The following PTPN4 variants were observed in gnomAD, a reference collection of about 807,000 sequenced individuals.
PTPN4 encodes the protein protein tyrosine phosphatase non-receptor type 4.
PTPN4 carries 49 observed loss-of-function variants against 135.5 expected under a neutral mutation model. The observed-to-expected ratio is 0.36, with a 90% confidence interval of 0.29 to 0.46. PTPN4 has a LOEUF of 0.46. Among genes scored for constraint, PTPN4 ranks in the 20% least tolerant of loss-of-function variants. PTPN4 has a pLI of 1.00. For synonymous variants in PTPN4, 333 were observed against 369.9 expected, an observed-to-expected ratio of 0.90 and a Z score of 1.14; for missense variants, 860 against 1,101.0, an observed-to-expected ratio of 0.78 and a Z score of 3.10.
chr2:119,766,449 CGT>C (rs745803520), intron 1 of PTPN4, among the ~76,000 whole-genome samples: 20,066 of 130,706 alleles, frequency 0.15, 1,567 homozygotes, highest in South Asian at 0.22. Flanking sequence ...CATGTGCGCG[CGT>C]GTGTGTGTGT....
At position 119,946,342 on chromosome 2, in the gene PTPN4, C is replaced by A; in HGVS notation, c.1517C>A (p.Pro506His). ...GTTATTTAATTTTGTCTTTTTAAGC[C>A]TAATGGTGGTATTCCACATGATAAT... The part of the protein sequence containing the change: ...DIPSSPEKPT[P>H]NGGIPHDNLV... The change falls in exon 17 of 27, where the codon CCT becomes CAT. Residue 506 changes from proline to histidine, a missense_variant and splice_region_variant. Pro to His is a moderately conservative substitution (Grantham distance 77, BLOSUM62 -2). This residue lies in a region of PTPN4 where 684 missense variants were observed against 807.0 expected (regional missense o/e 0.85). Coordinates refer to ENST00000263708, the MANE Select transcript of PTPN4 (RefSeq NM_002830.4). 1.3e-6 allele frequency: 2 copies of A among 1,592,140 alleles called. No homozygotes were observed. Among genetic ancestry groups the A allele is most frequent in the Non-Finnish European group, 1.7e-6 (2 of 1,170,038 alleles).
intron 3 of PTPN4, among the ~76,000 whole-genome samples, chr2:119,870,915 T>C (rs1213039518): frequency 6.6e-6 from 1 of 151,942 alleles, no homozygotes; most frequent in Admixed American, 6.6e-5. Flanking sequence ...TGTTGATAGA[T>C]TTCACTGCAT....
chr2:119,980,736 C>T lies in PTPN4; in HGVS notation c.*3666C>T, dbSNP rs960199995. 1.3e-5 allele frequency: 2 copies of T among 151,888 alleles called. No individual in the cohort carries two copies. The highest frequency in any genetic ancestry group is 2.9e-5 in the Non-Finnish European group (2 of 67,904). The allele number at this position is 151,888 out of a possible 1,614,324, so 9.4% of individuals were successfully genotyped here. A position where few individuals can be genotyped will look rare whatever the true frequency, so the allele number is the denominator to read the frequency against. Reference sequence around the variant, plus strand: ...AAATAAGCAGGCTTAAGAAGTGATTCTAATTAGGACCCCCACTCAGTTTGC... The same window carrying T: ...AAATAAGCAGGCTTAAGAAGTGATTTTAATTAGGACCCCCACTCAGTTTGC... On this transcript the variant is annotated 3_prime_UTR_variant, in exon 27 of 27. Coordinates refer to ENST00000263708, the MANE Select transcript of PTPN4 (RefSeq NM_002830.4).
chr2:119,762,385 T>C (rs1168494720), intron 1 of PTPN4, among the ~76,000 whole-genome samples: 1 of 152,098 alleles, frequency 6.6e-6, no homozygotes, highest in African/African-American at 2.4e-5. Context: ...GTTATTAAAC[T>C]GTGATTTGTA....
chr2:119,841,272 C>T (rs1163394297), intron 2 of PTPN4, among the ~76,000 whole-genome samples: 2 of 152,160 alleles, frequency 1.3e-5, no homozygotes, highest in Non-Finnish European at 2.9e-5. Flanking sequence ...TGTGCTTACA[C>T]ATTACTGTAA....
intron 1 of PTPN4, among the ~76,000 whole-genome samples, chr2:119,809,365 G>GTT: frequency 7.1e-6 from 1 of 140,600 alleles, no homozygotes; most frequent in East Asian, 2.1e-4. Context: ...ATGAAGGGTT[G>GTT]TTTTTTTTTT....
At chr2:119,948,017 C>T (rs1044517850) in intron 18 of PTPN4, among the ~76,000 whole-genome samples, 2 of 151,866 alleles carry the variant, frequency 1.3e-5, no homozygotes, top group Admixed American at 6.6e-5. Flanking sequence ...GAAAAAAGTC[C>T]GTTGTGACTG....
intron 9 of PTPN4, among the ~76,000 whole-genome samples, chr2:119,895,741 G>A (rs1016436789): frequency 1.3e-5 from 2 of 151,964 alleles, no homozygotes; most frequent in Non-Finnish European, 2.9e-5. Context: ...CTAACACGGT[G>A]AAACCCCGTC....
At chr2:119,838,669 C>G (rs1230411209) in intron 2 of PTPN4, among the ~76,000 whole-genome samples, 2 of 152,194 alleles carry the variant, frequency 1.3e-5, no homozygotes, top group Admixed American at 1.3e-4. Flanking sequence ...ATTAGTTTCT[C>G]TGTAGATGTA....
intron 3 of PTPN4, among the ~76,000 whole-genome samples, chr2:119,873,505 AG>A (rs995815813): frequency 6.6e-6 from 1 of 152,188 alleles, no homozygotes; most frequent in Admixed American, 6.5e-5. Flanking sequence ...GATTCTTCCC[AG>A]GGAAAAGAAT....
intron 12 of PTPN4, among the ~76,000 whole-genome samples, 200 bp downstream of exon 12, chr2:119,920,441 AGTTCTGT>A (rs1244348348): frequency 2.2e-4 from 33 of 152,182 alleles, no homozygotes; most frequent in African/African-American, 7.7e-4. Flanking sequence ...TTGAGAAACC[AGTTCTGT>A]GTTCTGTATT....
At chr2:119,865,736 A>G (rs190536472) in intron 3 of PTPN4, among the ~76,000 whole-genome samples, 1 of 152,232 alleles carries the variant, frequency 6.6e-6, no homozygotes, top group East Asian at 1.9e-4. Context: ...TGTATGTTAC[A>G]TATACATATG....
In PTPN4 at chr2:119,760,733, C is replaced by CTTTTTTTTTTTTTTTTTT. The variant is rs59953430; in HGVS notation, c.-18+354_-18+371dup. On this transcript the variant is annotated intron_variant, in intron 1 of 26. Coordinates refer to ENST00000263708, the MANE Select transcript of PTPN4 (RefSeq NM_002830.4). ...GAGTTTTCCATTGCTGGTAGAATTC[C>CTTTTTTTTTTTTTTTTTT]TTTTTTTTTTTTTTTTTTTTTTGGC... Among the ~76,000 whole-genome samples the CTTTTTTTTTTTTTTTTTT allele has an allele frequency of 3.8e-5, 3 of 79,908 alleles. 1 individual carries two copies. The highest frequency in any genetic ancestry group is 1.5e-4 in the African/African-American group (3 of 19,714). 52.4% of individuals were successfully genotyped at this position (79,908 alleles called of 152,430 possible).
intron 15 of PTPN4, chr2:119,935,171 A>G: frequency 3.6e-6 from 2 of 555,376 alleles, no homozygotes; most frequent in Non-Finnish European, 6.2e-6. Flanking sequence ...TTGTTGACTT[A>G]GACAGTTCTT....
intron 3 of PTPN4, among the ~76,000 whole-genome samples, chr2:119,874,332 C>T (rs1032192246): frequency 2.6e-5 from 4 of 152,070 alleles, no homozygotes; most frequent in Non-Finnish European, 5.9e-5. Flanking sequence ...TAGGCATGTA[C>T]CCAAGAGAAT....
intron 2 of PTPN4, among the ~76,000 whole-genome samples, chr2:119,812,448 C>T (rs563876119): frequency 6.6e-6 from 1 of 152,272 alleles, no homozygotes; most frequent in East Asian, 1.9e-4. Flanking sequence ...TTGCCAAAGC[C>T]TGCTTTGTTT....
At chr2:119,904,906 C>G (rs533227775) in intron 10 of PTPN4, among the ~76,000 whole-genome samples, 6 of 151,980 alleles carry the variant, frequency 3.9e-5, no homozygotes, top group African/African-American at 1.4e-4. Flanking sequence ...AAGGGAGTCC[C>G]TACATCTGGA....
intron 2 of PTPN4, among the ~76,000 whole-genome samples, chr2:119,830,328 G>C (rs898273053): frequency 1.3e-5 from 2 of 152,128 alleles, no homozygotes; most frequent in Admixed American, 6.5e-5. Flanking sequence ...ATGTCAGATT[G>C]TAATCCCCAG....
intron 15 of PTPN4, among the ~76,000 whole-genome samples, chr2:119,943,709 C>A (rs978794573): frequency 2.6e-5 from 4 of 151,522 alleles, no homozygotes; most frequent in Non-Finnish European, 4.4e-5. Context: ...CCTCAGCCCC[C>A]CCGAGTAGCT....
Sources: allele counts gnomAD v4.1 joint callset (sites outside exome capture counted in the v4.1 genomes callset), GRCh38; gene constraint gnomAD v4.1.1; regional missense constraint gnomAD v4.1.1; transcripts MANE v1.5; gene names NCBI Gene and HGNC (gene_info 2026-07-23, HGNC 2026-07-21).